KAZN: variants seen among roughly 807,000 people sequenced by gnomAD.
The protein encoded by KAZN is kazrin.
A neutral mutation model predicts 87.4 loss-of-function variants in KAZN; 40 were observed. That is an observed-to-expected ratio of 0.46 (90% CI 0.36 to 0.60). The LOEUF (loss-of-function observed/expected upper bound fraction) is 0.60. Among genes scored for constraint, KAZN ranks in the 20% least tolerant of loss-of-function variants. The probability of loss-of-function intolerance (pLI) is 0.00; values close to 1 mark genes in which losing one functional copy is unlikely to be tolerated. For synonymous variants in KAZN, 466 were observed against 458.3 expected, an observed-to-expected ratio of 1.02 and a Z score of -0.22; for missense variants, 898 against 1,073.9, an observed-to-expected ratio of 0.84 and a Z score of 2.29.
chr1:15,050,088 GAGTAC>G lies in KAZN; in HGVS notation c.726+5934_726+5938del, dbSNP rs201750082. Among the ~76,000 whole-genome samples, 579 of 87,368 alleles carry G rather than the reference GAGTAC, an allele frequency of 6.6e-3. 7 individuals carry two copies. In the East Asian group the frequency reaches 0.15, roughly 23 times the overall value. 57.3% of individuals were successfully genotyped at this position (87,368 alleles called of 152,430 possible). A position where few individuals can be genotyped will look rare whatever the true frequency, so the allele number is the denominator to read the frequency against. ...GGGTAGAGTAGAGTAGAGTACAGTA[GAGTAC>G]AGTAGAGTAGAGTAGAGTAGAGTAG... On this transcript the variant is annotated intron_variant, in intron 4 of 14. Coordinates refer to ENST00000376030, the MANE Select transcript of KAZN (RefSeq NM_201628.3).
At chr1:14,378,365 C>A (rs1661084952) in intron 2 of KAZN, among the ~76,000 whole-genome samples, 1 of 152,198 alleles carries the variant, frequency 6.6e-6, no homozygotes, top group Admixed American at 6.5e-5. Flanking sequence ...AAGTCTCCAC[C>A]AATCATCCCC....
chr1:14,114,546 C>T (rs975087424), intron 1 of KAZN, among the ~76,000 whole-genome samples: 3 of 152,024 alleles, frequency 2.0e-5, no homozygotes, highest in Non-Finnish European at 4.4e-5. Flanking sequence ...ATATCCAGGC[C>T]GACTGCCCCA....
intron 11 of KAZN, 37 bp from the exon 12 acceptor site, chr1:15,103,322 C>A: frequency 6.7e-7 from 1 of 1,501,640 alleles, no homozygotes. Context: ...CTGCGTGTCC[C>A]CTTGTCCCTC....
chr1:14,309,991 A>G (rs965727467), intron 2 of KAZN, among the ~76,000 whole-genome samples: 1 of 152,168 alleles, frequency 6.6e-6, no homozygotes, highest in Non-Finnish European at 1.5e-5. Context: ...CAAGGGATGA[A>G]GCAGCAGGAA....
chr1:14,730,231 G>A (rs1378510074), intron 1 of KAZN, among the ~76,000 whole-genome samples: 2 of 152,026 alleles, frequency 1.3e-5, no homozygotes, highest in Non-Finnish European at 2.9e-5. Flanking sequence ...TCACAGGCAC[G>A]TGCCACCATG....
chr1:14,388,815 C>G (rs1662173745), intron 2 of KAZN, among the ~76,000 whole-genome samples: 2 of 152,110 alleles, frequency 1.3e-5, no homozygotes. Context: ...TAATATCCCA[C>G]AAGCACAGGC....
At chr1:14,805,006 G>A (rs1244617066) in intron 1 of KAZN, among the ~76,000 whole-genome samples, 3 of 152,230 alleles carry the variant, frequency 2.0e-5, no homozygotes, top group South Asian at 2.1e-4. Context: ...TGTGGGGCAA[G>A]CCACTTGCTC....
chr1:14,883,778 T>C (rs536818099), intron 1 of KAZN, among the ~76,000 whole-genome samples: 2 of 152,314 alleles, frequency 1.3e-5, no homozygotes, highest in East Asian at 3.9e-4. Flanking sequence ...CCCTGAACTA[T>C]AATCTGAAAC....
intron 4 of KAZN, among the ~76,000 whole-genome samples, chr1:15,055,576 C>T (rs762650625): frequency 6.6e-6 from 1 of 152,188 alleles, no homozygotes; most frequent in Non-Finnish European, 1.5e-5. Flanking sequence ...GTTAACTTGA[C>T]ACAAATGCAT....
At chr1:14,405,055 G>T (rs1413446798) in intron 2 of KAZN, among the ~76,000 whole-genome samples, 1 of 152,152 alleles carries the variant, frequency 6.6e-6, no homozygotes, top group Non-Finnish European at 1.5e-5. Flanking sequence ...TGTGTGGTGG[G>T]GGGTAGGGGG....
At chr1:14,874,102 G>A (rs139984105) in intron 1 of KAZN, among the ~76,000 whole-genome samples, 1 of 152,306 alleles carries the variant, frequency 6.6e-6, no homozygotes, top group African/African-American at 2.4e-5. Context: ...AAATTTCAAG[G>A]GAGAGGACAG....
chr1:14,458,490 T>C (rs1667686756), intron 2 of KAZN, among the ~76,000 whole-genome samples: 1 of 152,160 alleles, frequency 6.6e-6, no homozygotes, highest in Non-Finnish European at 1.5e-5. Context: ...CAAACAGCAA[T>C]GGTAATGGTG....
intron 2 of KAZN, among the ~76,000 whole-genome samples, chr1:15,028,195 C>A (rs1671359296): frequency 6.6e-6 from 1 of 152,224 alleles, no homozygotes; most frequent in Admixed American, 6.5e-5. Flanking sequence ...CTCCCACACA[C>A]CCTCCCTCCC....
intron 1 of KAZN, among the ~76,000 whole-genome samples, chr1:14,888,207 A>G (rs1654310632): frequency 6.6e-6 from 1 of 152,238 alleles, no homozygotes; most frequent in African/African-American, 2.4e-5. Context: ...AGAGGCTCCC[A>G]GGCACAGAGG....
intron 1 of KAZN, among the ~76,000 whole-genome samples, chr1:13,970,570 A>G (rs1156233500): frequency 1.3e-5 from 2 of 152,224 alleles, no homozygotes; most frequent in Non-Finnish European, 2.9e-5. Context: ...CTCTGATACT[A>G]TCTATCTGTG....
In KAZN at chr1:13,945,716, A is replaced by T. The variant is rs770056488; in HGVS notation, c.91+51960A>T. On this transcript the variant is annotated intron_variant, in intron 1 of 16. Coordinates refer to the KAZN transcript ENST00000636203. ...GTGTGTGTGTGTGTGTGTGTGAGAG[A>T]GAGAGAGAGAGAGAGAGAGAATGTT... Among the ~76,000 whole-genome samples, 577 of 59,760 alleles carry T rather than the reference A, an allele frequency of 9.7e-3. 3 individuals are homozygous for T. Among genetic ancestry groups the T allele is most frequent in the African/African-American group, 0.024 (411 of 17,042 alleles). 39.2% of individuals were successfully genotyped at this position (59,760 alleles called of 152,430 possible).
Position 14,350,389 on chromosome 1 carries a change from G to T in KAZN, c.249+169797G>T, listed in dbSNP as rs559826127. The stretch of plus-strand genomic sequence containing the variant: ...AGGATTACACAGAATGAGATGCAGT[G>T]AGTGCTCGGCACAGAGCCTGGTTCC... On this transcript the variant is annotated intron_variant, in intron 2 of 16. Coordinates refer to the KAZN transcript ENST00000636203. 1.1e-4 allele frequency among the ~76,000 whole-genome samples: 17 copies of T among 152,338 alleles called. No individual in the cohort carries two copies. The East Asian group carries it at 3.3e-3, about 29-fold the overall frequency.
intron 2 of KAZN, among the ~76,000 whole-genome samples, chr1:14,571,822 T>A (rs1219540775): frequency 6.6e-6 from 1 of 152,050 alleles, no homozygotes; most frequent in Non-Finnish European, 1.5e-5. Flanking sequence ...AGCTAAGTAA[T>A]GAGGATGGCA....
intron 2 of KAZN, among the ~76,000 whole-genome samples, chr1:14,997,946 G>A (rs1171466405): frequency 6.6e-6 from 1 of 152,226 alleles, no homozygotes; most frequent in Non-Finnish European, 1.5e-5. Context: ...TCATGTATGT[G>A]AGGAACTTGG....
Sources: allele counts gnomAD v4.1 joint callset (sites outside exome capture counted in the v4.1 genomes callset), GRCh38; gene constraint gnomAD v4.1.1; transcripts MANE v1.5; gene names NCBI Gene and HGNC (gene_info 2026-07-23, HGNC 2026-07-21).